IFT80: variants seen among roughly 807,000 people sequenced by gnomAD.
IFT80 encodes intraflagellar transport protein 80 homolog.
IFT80 carries 79 observed loss-of-function variants against 107.9 expected under a neutral mutation model. The observed-to-expected ratio is 0.73, with a 90% confidence interval of 0.61 to 0.88. The LOEUF (loss-of-function observed/expected upper bound fraction) is 0.88, where lower values mean the gene tolerates loss of function less well. Ranked by LOEUF, IFT80 falls within the 40% of genes least tolerant of loss-of-function variation. IFT80 has a pLI of 0.00. For missense variants in IFT80, 797 were observed against 914.2 expected, an observed-to-expected ratio of 0.87 and a Z score of 1.65; for synonymous variants, 299 against 300.9, an observed-to-expected ratio of 0.99 and a Z score of 0.07.
chr3:160,372,208 C>G (rs1008724857), intron 5 of IFT80, among the ~76,000 whole-genome samples: 3 of 152,182 alleles, frequency 2.0e-5, no homozygotes, highest in African/African-American at 7.2e-5. Flanking sequence ...GCTTCCAACA[C>G]TTTACAGATT....
intron 9 of IFT80, among the ~76,000 whole-genome samples, chr3:160,308,843 G>A (rs1303628629): frequency 1.3e-5 from 2 of 152,106 alleles, no homozygotes; most frequent in Non-Finnish European, 2.9e-5. Context: ...TGGAGCCTTT[G>A]GAAGGTTGTG....
chr3:160,299,653 T>A (rs935935955), intron 12 of IFT80, among the ~76,000 whole-genome samples: 7 of 152,158 alleles, frequency 4.6e-5, no homozygotes, highest in Non-Finnish European at 1.0e-4. Flanking sequence ...CTGATTTCAT[T>A]CAGTGTTATG....
At chr3:160,296,911 C>A (rs1176102147) in intron 12 of IFT80, among the ~76,000 whole-genome samples, 1 of 152,136 alleles carries the variant, frequency 6.6e-6, no homozygotes, top group Non-Finnish European at 1.5e-5. Context: ...TTGGACCATT[C>A]CTCATTCTTC....
At chr3:160,384,862 C>T (rs1712804757) in intron 1 of IFT80, among the ~76,000 whole-genome samples, 1 of 152,188 alleles carries the variant, frequency 6.6e-6, no homozygotes, top group Non-Finnish European at 1.5e-5. Flanking sequence ...GTCCTCTAAA[C>T]CTGCCTGAGA....
At chr3:160,386,740 T>C (rs1712964439) in intron 1 of IFT80, among the ~76,000 whole-genome samples, 1 of 152,128 alleles carries the variant, frequency 6.6e-6, no homozygotes, top group African/African-American at 2.4e-5. Flanking sequence ...ATTCCTACAT[T>C]TACCCCTACA....
At chr3:160,287,748 A>G (rs770461841) in intron 12 of IFT80, among the ~76,000 whole-genome samples, 1 of 152,236 alleles carries the variant, frequency 6.6e-6, no homozygotes, top group Non-Finnish European at 1.5e-5. Context: ...GGTAATTACT[A>G]TCTATAATAT....
chr3:160,307,573 A>G, intron 10 of IFT80, 90 bp downstream of exon 10: 9 of 816,694 alleles, frequency 1.1e-5, no homozygotes, highest in South Asian at 8.1e-5. Flanking sequence ...TTAAGCTTAA[A>G]CCAAACCACG....
At chr3:160,298,689 A>G (rs1171288628) in intron 12 of IFT80, among the ~76,000 whole-genome samples, 1 of 152,154 alleles carries the variant, frequency 6.6e-6, no homozygotes, top group Non-Finnish European at 1.5e-5. Flanking sequence ...CCGTTAGGCA[A>G]TTTATCATTG....
chr3:160,361,218 G>T (rs1365368091), intron 6 of IFT80, among the ~76,000 whole-genome samples: 2 of 152,104 alleles, frequency 1.3e-5, no homozygotes, highest in Non-Finnish European at 1.5e-5. Flanking sequence ...AAAAGCAGGG[G>T]TTGCAATCCT....
At position 160,384,634 on chromosome 3, in the gene IFT80, T is replaced by C. The variant is rs779423503; in HGVS notation, c.-34A>G. 3 of 1,587,232 alleles carry C rather than the reference T, an allele frequency of 1.9e-6. No homozygotes were observed. Among genetic ancestry groups the C allele is most frequent in the Admixed American group, 1.7e-5 (1 of 59,834 alleles). ...TTCCAGCAAAAATTTAAGATGCCAC[T>C]TGATTGTATTTACTGTAAAAATAAA... On this transcript the variant is annotated 5_prime_UTR_variant, in exon 2 of 20. Transcript: ENST00000326448.
At chr3:160,368,988 A>T (rs920565404) in intron 5 of IFT80, among the ~76,000 whole-genome samples, 5 of 151,942 alleles carry the variant, frequency 3.3e-5, no homozygotes, top group Admixed American at 2.6e-4. Flanking sequence ...GGGGTACAGA[A>T]TGAGGAACTA....
At chr3:160,280,562 C>A in intron 15 of IFT80, 105 bp downstream of exon 15, 1 of 900,616 alleles carries the variant, frequency 1.1e-6, no homozygotes, top group Non-Finnish European at 1.8e-6. Flanking sequence ...ATAAATCTGA[C>A]TGATGTGTAA....
At chr3:160,324,309 G>A (rs988793945) in intron 8 of IFT80, among the ~76,000 whole-genome samples, 2 of 152,008 alleles carry the variant, frequency 1.3e-5, no homozygotes, top group African/African-American at 4.8e-5. Flanking sequence ...TACCGAAGCC[G>A]GGTGGAGACA....
chr3:160,374,400 C>T (rs1165228351), intron 5 of IFT80, among the ~76,000 whole-genome samples: 2 of 145,696 alleles, frequency 1.4e-5, no homozygotes, highest in African/African-American at 2.6e-5. Context: ...AGAGCAAGAC[C>T]GTCTAAAAAA....
chr3:160,366,323 C>G (rs953787632), intron 5 of IFT80, among the ~76,000 whole-genome samples, 171 bp from the exon 6 acceptor site: 1 of 151,950 alleles, frequency 6.6e-6, no homozygotes, highest in Non-Finnish European at 1.5e-5. Context: ...GAAATGCTGA[C>G]TGGGTTAATA....
chr3:160,371,617 A>AT (rs1711535900), intron 5 of IFT80, among the ~76,000 whole-genome samples: 1 of 151,842 alleles, frequency 6.6e-6, no homozygotes, highest in Non-Finnish European at 1.5e-5. Context: ...TAACTTTTGT[A>AT]TTTTTTGTAC....
intron 1 of IFT80, among the ~76,000 whole-genome samples, chr3:160,386,277 T>C (rs1181556881): frequency 2.6e-5 from 4 of 152,192 alleles, no homozygotes; most frequent in African/African-American, 9.7e-5. Context: ...TGTACTTTCA[T>C]GTGGGATTGA....
At position 160,273,048 on chromosome 3, in the gene IFT80, T is replaced by G. The variant is rs558600164; in HGVS notation, c.2099+4258A>C. On this transcript the variant is annotated intron_variant, in intron 18 of 19. Transcript: ENST00000326448. ...GTCCTGGAACCAATCCTTACCCATCTCACGGATACCAAGCGATTACACTTA... is the reference window on the plus strand; with the variant it reads ...GTCCTGGAACCAATCCTTACCCATCGCACGGATACCAAGCGATTACACTTA... 1.2e-4 allele frequency among the ~76,000 whole-genome samples: 18 copies of G among 152,280 alleles called. No homozygotes were observed. The South Asian group carries it at 3.5e-3, about 30-fold the overall frequency.
rs945025631 is a variant in IFT80, at chr3:160,344,258, C to T, written c.777+11755G>A. ...TACATTCCTTTTGTATAATTTCTAT[C>T]CTTTTACTGGTATTTTCTATTTGTT... On this transcript the variant is annotated intron_variant, in intron 8 of 19. Coordinates refer to ENST00000326448, the MANE Select transcript of IFT80 (RefSeq NM_020800.3). Among the ~76,000 whole-genome samples the T allele has an allele frequency of 2.6e-5, 4 of 152,208 alleles. No homozygotes were observed. The East Asian group carries it at 7.7e-4, about 29-fold the overall frequency.
Sources: allele counts gnomAD v4.1 joint callset (sites outside exome capture counted in the v4.1 genomes callset), GRCh38; gene constraint gnomAD v4.1.1; transcripts MANE v1.5; gene names NCBI Gene and HGNC (gene_info 2026-07-23, HGNC 2026-07-21).